Variants in INPP5E observed in about 807,000 individuals in gnomAD.
The protein encoded by INPP5E is phosphatidylinositol polyphosphate 5-phosphatase type IV.
A neutral mutation model predicts 50.5 loss-of-function variants in INPP5E; 34 were observed. The ratio of observed to expected loss-of-function variants is 0.67; its 90% confidence interval spans 0.51 to 0.90. The LOEUF (loss-of-function observed/expected upper bound fraction) is 0.90, where lower values mean the gene tolerates loss of function less well. INPP5E is among the 40% of genes least tolerant of loss of function. INPP5E has a pLI of 0.00. For missense variants in INPP5E, 942 were observed against 905.5 expected, an observed-to-expected ratio of 1.04 and a Z score of -0.52; for synonymous variants, 447 against 406.0, an observed-to-expected ratio of 1.10 and a Z score of -1.21.
In INPP5E at chr9:136,433,168, G is replaced by A; in HGVS notation, c.1146C>T (p.Ile382=). 9.4e-7 allele frequency: 1 copy of A among 1,059,124 alleles called. No homozygotes were observed. The highest frequency in any genetic ancestry group is 1.3e-5 in the South Asian group (1 of 77,982). 65.6% of individuals were successfully genotyped at this position (1,059,124 alleles called of 1,614,324 possible). ...AGCCGCGCCCACCTGAGCAGAACCA[G>A]ATGAGGTCCCTGCGGATGAAGAGCG... ...YMSLFIRRDL[I]WFCSEVECST... is the part of the protein sequence containing the mutation. Residue 382 remains isoleucine, a synonymous_variant, in exon 4 of 10, where the codon ATC becomes ATT. Transcript: ENST00000371712.
At position 136,439,289 on chromosome 9, in the gene INPP5E, C is replaced by T. The variant is rs1200598959; in HGVS notation, c.131G>A (p.Gly44Asp). The T allele has an allele frequency of 3.5e-6, 5 of 1,444,866 alleles. No homozygotes were observed. The East Asian group carries it at 1.4e-4, about 39-fold the overall frequency. The allele number at this position is 1,444,866 out of a possible 1,614,324, so 89.5% of individuals were successfully genotyped here. A position where few individuals can be genotyped will look rare whatever the true frequency, so the allele number is the denominator to read the frequency against. ...GCAGGCAAGCGCGGGGCTCTCGGAG[C>T]CCGGAGCATCGGGTGGGGACCCCGC... ...QRAGSPPDAP[G>D]SESPALACST... The change falls in exon 1 of 10, where the codon GGC becomes GAC. Residue 44 changes from glycine (G) to aspartate (D), a missense_variant. Physicochemically the swap from Gly to Asp is moderately conservative, Grantham distance 94 (BLOSUM62 -1). Coordinates refer to ENST00000371712, the MANE Select transcript of INPP5E (RefSeq NM_019892.6).
rs2131611272 is a variant in INPP5E, at chr9:136,434,762, G to A, written c.914C>T (p.Thr305Ile). The A allele has an allele frequency of 2.5e-6, 4 of 1,611,698 alleles. No individual in the cohort carries two copies. The highest frequency in any genetic ancestry group is 2.5e-6 in the Non-Finnish European group (3 of 1,179,698). Residue 305 changes from threonine to isoleucine, a missense_variant, in exon 2 of 10, where the codon ACC becomes ATC. Transcript: ENST00000371712. ...PDRNVALFVA[T>I]WNMQGQKELP... ...CACCTTCTGGCCCTGCATGTTCCAG[G>A]TGGCCACGAAGAGTGCCACGTTCCG...
In INPP5E at chr9:136,432,568, G is replaced by T; in HGVS notation, c.1298C>A (p.Ala433Glu). The change falls in exon 6 of 10, where the codon GCG becomes GAG. Residue 433 changes from alanine (A) to glutamate (E), a missense_variant. Physicochemically the swap from Ala to Glu is moderately radical, Grantham distance 107. Coordinates refer to ENST00000371712, the MANE Select transcript of INPP5E (RefSeq NM_019892.6). ...CCTGGTGTAGTCCAGCAGCCGCTCC[G>T]CCACCTTCCCGTCACCTGCTGTGGG... Reference protein sequence around the residue: ...SHFTSGDGKVAERLLDYTRTV... With the variant: ...SHFTSGDGKVEERLLDYTRTV... The T allele has an allele frequency of 6.5e-7, 1 of 1,549,222 alleles. No individual in the cohort carries two copies.
chr9:136,433,464 C>G (rs1049956251), intron 3 of INPP5E, among the ~76,000 whole-genome samples, 185 bp from the exon 4 acceptor site: 1 of 152,208 alleles, frequency 6.6e-6, no homozygotes, highest in East Asian at 1.9e-4. Flanking sequence ...CCGGGGGCCA[C>G]AGGCCCCAGT....
At chr9:136,433,999 C>T in intron 3 of INPP5E, 38 bp downstream of exon 3, 1 of 1,500,422 alleles carries the variant, frequency 6.7e-7, no homozygotes. Flanking sequence ...GAGACGGCAG[C>T]CCCTGGGCAG....
intron 1 of INPP5E, 80 bp from the exon 2 acceptor site, chr9:136,434,943 A>C: frequency 6.6e-7 from 1 of 1,517,814 alleles, no homozygotes. Context: ...CAGGGACAAT[A>C]GCAAAACCCA....
chr9:136,429,716 G>A lies in INPP5E; in HGVS notation c.1894C>T (p.Leu632=), dbSNP rs764259572. The change falls in exon 10 of 10, where the codon CTA becomes TTA. Residue 632 remains leucine (L), a synonymous_variant. Coordinates refer to ENST00000371712, the MANE Select transcript of INPP5E (RefSeq NM_019892.6). ...ISKEIQRQQA[L]QSQNSSTICS... Reference sequence around the variant, plus strand: ...ATGGTGCTGGAGTTCTGACTCTGTAGTGCTTGCTGCCTCTGAATCTCCTTC... The same window carrying A: ...ATGGTGCTGGAGTTCTGACTCTGTAATGCTTGCTGCCTCTGAATCTCCTTC... 9 of 1,614,108 alleles carry A rather than the reference G, an allele frequency of 5.6e-6. No individual in the cohort carries two copies. Among genetic ancestry groups the A allele is most frequent in the Non-Finnish European group, 7.6e-6 (9 of 1,180,032 alleles).
In INPP5E at chr9:136,434,790, C is replaced by G; in HGVS notation, c.886G>C (p.Asp296His). The change falls in exon 2 of 10, where the codon GAC becomes CAC. Residue 296 changes from aspartate to histidine, a missense_variant. Asp to His is a moderately conservative substitution (Grantham distance 81). Coordinates refer to ENST00000371712, the MANE Select transcript of INPP5E (RefSeq NM_019892.6). The part of the protein sequence containing the change: ...GADELARYFP[D>H]RNVALFVATW... ...GCCACGAAGAGTGCCACGTTCCGGTCTGGGAAGTAGCGGGCCAGCTCATCC... is the reference window on the plus strand; with the variant it reads ...GCCACGAAGAGTGCCACGTTCCGGTGTGGGAAGTAGCGGGCCAGCTCATCC... The G allele has an allele frequency of 1.2e-6, 2 of 1,611,626 alleles. No individual in the cohort carries two copies. Among genetic ancestry groups the G allele is most frequent in the South Asian group, 2.2e-5 (2 of 90,940 alleles).
intron 5 of INPP5E, 116 bp downstream of exon 5, chr9:136,432,840 C>A: frequency 1.5e-6 from 2 of 1,361,350 alleles, no homozygotes; most frequent in Admixed American, 3.9e-5. Context: ...GCCCACCCCA[C>A]GGCCCTGGGT....
chr9:136,439,314 C>A lies in INPP5E; in HGVS notation c.106G>T (p.Ala36Ser). Reference sequence around the variant, plus strand: ...CCCGGAGCATCGGGTGGGGACCCCGCGCGCTGGGCCGGCGGAGCGCCGGGA... The same window carrying A: ...CCCGGAGCATCGGGTGGGGACCCCGAGCGCTGGGCCGGCGGAGCGCCGGGA... ...QLPGAPPAQR[A>S]GSPPDAPGSE... Residue 36 changes from alanine to serine, a missense_variant, in exon 1 of 10, where the codon GCG becomes TCG. By Grantham distance (99) the Ala-to-Ser change is moderately conservative. Transcript: ENST00000371712. The A allele has an allele frequency of 2.1e-6, 3 of 1,406,004 alleles. No individual in the cohort carries two copies. The highest frequency in any genetic ancestry group is 1.5e-5 in the African/African-American group (1 of 66,074). 87.1% of individuals were successfully genotyped at this position (1,406,004 alleles called of 1,614,324 possible). A position where few individuals can be genotyped will look rare whatever the true frequency, so the allele number is the denominator to read the frequency against.
chr9:136,433,923 C>T lies in INPP5E; in HGVS notation c.1034+114G>A, dbSNP rs533741245. The T allele has an allele frequency of 1.1e-5, 9 of 833,402 alleles. No individual in the cohort carries two copies. The East Asian group carries it at 1.6e-4, about 15-fold the overall frequency. The allele number at this position is 833,402 out of a possible 1,614,324, so 51.6% of individuals were successfully genotyped here. On this transcript the variant is annotated intron_variant, in intron 3 of 9. Coordinates refer to ENST00000371712, the MANE Select transcript of INPP5E (RefSeq NM_019892.6). Reference sequence around the variant, plus strand: ...CGCCCAGCAGCTTCACAGATGGCAGCCCCCGGGCAGGCACTGCAGACCCGT... The same window carrying T: ...CGCCCAGCAGCTTCACAGATGGCAGTCCCCGGGCAGGCACTGCAGACCCGT...
At chr9:136,431,788 T>G (rs550035526) in intron 7 of INPP5E, 36 bp downstream of exon 7, 8 of 936,978 alleles carry the variant, frequency 8.5e-6, no homozygotes, top group Admixed American at 2.9e-5. Flanking sequence ...TCACCTCTCC[T>G]CATCTCCCTC....
At chr9:136,433,390 G>C in intron 3 of INPP5E, 111 bp from the exon 4 acceptor site, 7 of 1,430,640 alleles carry the variant, frequency 4.9e-6, no homozygotes, top group Non-Finnish European at 6.5e-6. Context: ...CCCACGACCT[G>C]GCCTTGGTGT....
chr9:136,438,805 G>A lies in INPP5E; in HGVS notation c.615C>T (p.Ser205=), dbSNP rs749205417. Reference sequence around the variant, plus strand: ...AGTCGACCTTGTTTGCTGTCCTCAGGGAGTCGGAGGCGATGTCCAGGCTCA... The same window carrying A: ...AGTCGACCTTGTTTGCTGTCCTCAGAGAGTCGGAGGCGATGTCCAGGCTCA... ...PALSLDIASD[S]LRTANKVDSD... Residue 205 remains serine (S), a synonymous_variant, in exon 1 of 10, where the codon TCC becomes TCT. Transcript: ENST00000371712. 2 of 1,612,100 alleles carry A rather than the reference G, an allele frequency of 1.2e-6. No individual in the cohort carries two copies. Among genetic ancestry groups the A allele is most frequent in the African/African-American group, 1.3e-5 (1 of 75,026 alleles).
intron 7 of INPP5E, 108 bp from the exon 8 acceptor site, chr9:136,431,225 C>T (rs1370030947): frequency 7.0e-6 from 4 of 567,438 alleles, no homozygotes; most frequent in South Asian, 1.6e-5. Flanking sequence ...TCCCCCCACC[C>T]GCCGCAGGCC....
chr9:136,431,764 G>A (rs1206237841), intron 7 of INPP5E, 60 bp downstream of exon 7: 7 of 140,924 alleles, frequency 5.0e-5, no homozygotes, highest in East Asian at 1.8e-4. Context: ...CTCCACGCCC[G>A]CCCCCCCAGG....
chr9:136,432,905 G>A lies in INPP5E; in HGVS notation c.1279+51C>T, dbSNP rs533706468. 5 of 1,600,392 alleles carry A rather than the reference G, an allele frequency of 3.1e-6. No individual in the cohort carries two copies. In the Admixed American group the frequency reaches 8.5e-5, roughly 27 times the overall value. ...GCCTTGGACAGGGTCCCGGTCAGGA[G>A]AGGAAGCTGTTCTCACACAGCACCT... On this transcript the variant is annotated intron_variant, in intron 5 of 9. Transcript: ENST00000371712.
Position 136,432,471 on chromosome 9 carries a change from G to T in INPP5E, c.1387+8C>A. 2 of 1,533,408 alleles carry T rather than the reference G, an allele frequency of 1.3e-6. No homozygotes were observed. Among genetic ancestry groups the T allele is most frequent in the Non-Finnish European group, 1.8e-6 (2 of 1,131,782 alleles). The allele number at this position is 1,533,408 out of a possible 1,614,324, so 95.0% of individuals were successfully genotyped here. On this transcript the variant is annotated splice_region_variant and intron_variant, in intron 6 of 9. Transcript: ENST00000371712. ...GGCACCACCCACACGCAGCGTGGAC[G>T]CCCTCACCTGCGCTGGAGCGATAGG...
chr9:136,432,112 C>T (rs1835721861), intron 6 of INPP5E, 127 bp from the exon 7 acceptor site: 3 of 1,185,434 alleles, frequency 2.5e-6, no homozygotes, highest in Admixed American at 1.9e-5. Context: ...TGGGGCCGGG[C>T]CCTCAGGGGT....
Sources: gnomAD v4.1 joint callset for allele counts (sites outside exome capture counted in the v4.1 genomes callset) on GRCh38, gnomAD v4.1.1 for gene constraint, MANE v1.5 for transcripts, NCBI Gene and HGNC (gene_info 2026-07-23, HGNC 2026-07-21) for gene names.